Variants in UHRF2 observed in about 807,000 individuals in gnomAD.
UHRF2 encodes ubiquitin like with PHD and ring finger domains 2.
UHRF2 carries 23 observed loss-of-function variants against 96.8 expected under a neutral mutation model. The ratio of observed to expected loss-of-function variants is 0.24; its 90% CI spans 0.17 to 0.34. The LOEUF is 0.34. Among genes scored for constraint, UHRF2 ranks in the 10% least tolerant of loss-of-function variants. The pLI is 1.00. For missense variants in UHRF2, 685 were observed against 981.5 expected, an observed-to-expected ratio of 0.70 and a Z score of 4.04; for synonymous variants, 385 against 332.6, an observed-to-expected ratio of 1.16 and a Z score of -1.72.
chr9:6,506,288 G>T lies in UHRF2; in HGVS notation c.*109G>T. ...TGGACTGTATCTCTCACGTTCTGAAGCAGCTAATCCTCTTTCCCACATAGC... is the reference window on the plus strand; with the variant it reads ...TGGACTGTATCTCTCACGTTCTGAATCAGCTAATCCTCTTTCCCACATAGC... On this transcript the variant is annotated 3_prime_UTR_variant, in exon 16 of 16. Transcript: ENST00000276893. The T allele has an allele frequency of 7.1e-7, 1 of 1,415,854 alleles. No individual in the cohort carries two copies. Among genetic ancestry groups the T allele is most frequent in the Non-Finnish European group, 9.6e-7 (1 of 1,042,760 alleles). 87.7% of individuals were successfully genotyped at this position (1,415,854 alleles called of 1,614,324 possible).
At chr9:6,453,256 C>G (rs1472319063) in intron 3 of UHRF2, among the ~76,000 whole-genome samples, 1 of 152,136 alleles carries the variant, frequency 6.6e-6, no homozygotes, top group East Asian at 1.9e-4. Flanking sequence ...TTGAGGTTCT[C>G]TACTTAGTTC....
intron 4 of UHRF2, among the ~76,000 whole-genome samples, chr9:6,466,910 C>G (rs1035348812): frequency 1.3e-5 from 2 of 152,192 alleles, no homozygotes; most frequent in South Asian, 2.1e-4. Flanking sequence ...CTTAATCACC[C>G]TTTTTAAAAT....
chr9:6,487,624 C>A (rs768953428), intron 9 of UHRF2, among the ~76,000 whole-genome samples: 13 of 152,342 alleles, frequency 8.5e-5, no homozygotes, highest in Non-Finnish European at 1.9e-4. Flanking sequence ...GCCTTGGCCT[C>A]CCAAAGTGTT....
intron 4 of UHRF2, among the ~76,000 whole-genome samples, chr9:6,473,538 G>A (rs941617164): frequency 1.6e-4 from 25 of 152,222 alleles, no homozygotes; most frequent in African/African-American, 5.8e-4. Flanking sequence ...CTGCCGTCAG[G>A]AGAGGAAAAG....
At chr9:6,437,353 C>G (rs995921946) in intron 3 of UHRF2, among the ~76,000 whole-genome samples, 3 of 152,170 alleles carry the variant, frequency 2.0e-5, no homozygotes, top group East Asian at 1.9e-4. Context: ...CTGCCTCAGC[C>G]TCATGAGTAC....
At chr9:6,422,177 CTG>C (rs1431917784) in intron 2 of UHRF2, among the ~76,000 whole-genome samples, 2 of 152,166 alleles carry the variant, frequency 1.3e-5, no homozygotes, top group African/African-American at 4.8e-5. Flanking sequence ...GTTTGTCTAT[CTG>C]TGTTCCTATT....
intron 6 of UHRF2, among the ~76,000 whole-genome samples, chr9:6,480,629 A>G (rs994261859): frequency 3.3e-5 from 5 of 152,208 alleles, no homozygotes; most frequent in African/African-American, 1.2e-4. Flanking sequence ...GAGAGATAAT[A>G]CTTGCTTTAA....
rs1816581847 is a variant in UHRF2 at position 6,506,336 on chromosome 9, G to A, written c.*157G>A. ...AGCCATCATCTTGTGTGTGTAGTAAGAGGCCCATTTCTCAACTGTCTTTTA... is the reference window on the plus strand; with the variant it reads ...AGCCATCATCTTGTGTGTGTAGTAAAAGGCCCATTTCTCAACTGTCTTTTA... On this transcript the variant is annotated 3_prime_UTR_variant, in exon 16 of 16. Transcript: ENST00000276893. 4.4e-6 allele frequency: 4 copies of A among 910,514 alleles called. No individual in the cohort carries two copies. Among genetic ancestry groups the A allele is most frequent in the Non-Finnish European group, 6.4e-6 (4 of 626,858 alleles). The allele number at this position is 910,514 out of a possible 1,614,324, so 56.4% of individuals were successfully genotyped here.
At chr9:6,494,484 C>T (rs1824851243) in intron 10 of UHRF2, 1 of 152,134 alleles carries the variant, frequency 6.6e-6, no homozygotes, top group African/African-American at 2.4e-5. Context: ...TAAGACATTA[C>T]AAAAGAGCCA....
Position 6,413,590 on chromosome 9 carries a change from G to A in UHRF2, c.100G>A (p.Ala34Thr), listed in dbSNP as rs780239634. 2 of 1,602,230 alleles carry A rather than the reference G, an allele frequency of 1.2e-6. No individual in the cohort carries two copies. Among genetic ancestry groups the A allele is most frequent in the Non-Finnish European group, 1.7e-6 (2 of 1,175,008 alleles). The change falls in exon 1 of 16, where the codon GCG becomes ACG. Residue 34 changes from alanine (A) to threonine (T), a missense_variant. Around this residue, in one of 6 missense-constraint regions of UHRF2, gnomAD observed 13 missense variants for 37.3 expected, o/e 0.35. Transcript: ENST00000276893. ...TIEELRERVW[A>T]LFDVRPECQR... Reference sequence around the variant, plus strand: ...TGAGGAGCTGCGCGAGCGGGTGTGGGCGCTGTTCGACGTGCGGCCCGAATG... The same window carrying A: ...TGAGGAGCTGCGCGAGCGGGTGTGGACGCTGTTCGACGTGCGGCCCGAATG...
chr9:6,492,370 C>T lies in UHRF2; in HGVS notation c.1498-1456C>T, dbSNP rs1824714618. On this transcript the variant is annotated intron_variant, in intron 9 of 15. Coordinates refer to ENST00000276893, the MANE Select transcript of UHRF2 (RefSeq NM_152896.3). ...TACCGGGTGGAAGACTGGTTTTGATCAGTTTAAGAAGTATTCTAAACTGTT... is the reference window on the plus strand; with the variant it reads ...TACCGGGTGGAAGACTGGTTTTGATTAGTTTAAGAAGTATTCTAAACTGTT... 5.0e-6 allele frequency: 6 copies of T among 1,209,312 alleles called. No individual in the cohort carries two copies. The South Asian group carries it at 8.9e-5, about 18-fold the overall frequency. 74.9% of individuals were successfully genotyped at this position (1,209,312 alleles called of 1,614,324 possible).
At chr9:6,436,440 A>T (rs1463905783) in intron 3 of UHRF2, among the ~76,000 whole-genome samples, 4 of 152,174 alleles carry the variant, frequency 2.6e-5, no homozygotes, top group Non-Finnish European at 5.9e-5. Context: ...TGGGTTTATA[A>T]ATGCTGTGTC....
intron 4 of UHRF2, among the ~76,000 whole-genome samples, chr9:6,462,392 C>A (rs1031531854): frequency 6.6e-6 from 1 of 151,882 alleles, no homozygotes; most frequent in African/African-American, 2.4e-5. Flanking sequence ...TTCAGAACTT[C>A]TTACAAACAA....
intron 4 of UHRF2, among the ~76,000 whole-genome samples, chr9:6,461,890 C>T (rs902881220): frequency 6.6e-6 from 1 of 151,860 alleles, no homozygotes. Context: ...ATTACATAAA[C>T]ATCCTTGTAT....
chr9:6,437,197 G>C (rs1450015059), intron 3 of UHRF2, among the ~76,000 whole-genome samples: 2 of 152,154 alleles, frequency 1.3e-5, no homozygotes, highest in Non-Finnish European at 2.9e-5. Context: ...AAGAAAGCTG[G>C]TATAGCCTAA....
At chr9:6,502,222 T>C (rs1046436672) in intron 14 of UHRF2, among the ~76,000 whole-genome samples, 47 of 152,290 alleles carry the variant, frequency 3.1e-4, no homozygotes, top group African/African-American at 9.6e-4. Flanking sequence ...ACATCTGTAG[T>C]CTCCTCTTAA....
At chr9:6,494,829 C>A (rs1824868743) in intron 10 of UHRF2, 1 of 152,046 alleles carries the variant, frequency 6.6e-6, no homozygotes, top group Non-Finnish European at 1.5e-5. Context: ...AAAGAATATA[C>A]CAGTATGATT....
chr9:6,478,293 A>G (rs1352564319), intron 6 of UHRF2, among the ~76,000 whole-genome samples: 1 of 152,200 alleles, frequency 6.6e-6, no homozygotes, highest in Non-Finnish European at 1.5e-5. Flanking sequence ...TCTTTGGTTA[A>G]CTTCAAGACG....
intron 4 of UHRF2, among the ~76,000 whole-genome samples, chr9:6,473,693 T>G (rs1823385907): frequency 6.6e-6 from 1 of 152,340 alleles, no homozygotes; most frequent in Non-Finnish European, 1.5e-5. Context: ...TAGTAAATAG[T>G]TTAACATGGG....
Sources: allele counts gnomAD v4.1 joint callset (sites outside exome capture counted in the v4.1 genomes callset), GRCh38; gene constraint gnomAD v4.1.1; regional missense constraint gnomAD v4.1.1; transcripts MANE v1.5; gene names NCBI Gene and HGNC (gene_info 2026-07-23, HGNC 2026-07-21).